The following APP variants were observed in gnomAD, a reference collection of about 807,000 sequenced individuals.
APP encodes amyloid beta precursor protein, also known as amyloid-beta precursor protein.
APP carries 31 observed loss-of-function variants against 101.4 expected under a neutral mutation model. The ratio of observed to expected loss-of-function variants is 0.31; its 90% CI spans 0.23 to 0.41. The LOEUF (loss-of-function observed/expected upper bound fraction) is 0.41, where lower values mean the gene tolerates loss of function less well. APP is among the 10% of genes least tolerant of loss of function. The pLI, the probability that APP is intolerant of heterozygous loss-of-function variation, is 1.00. For missense variants in APP, 839 were observed against 1,003.7 expected, an observed-to-expected ratio of 0.84 and a Z score of 2.22; for synonymous variants, 366 against 364.4, an observed-to-expected ratio of 1.00 and a Z score of -0.05.
intron 1 of APP, among the ~76,000 whole-genome samples, chr21:26,118,913 T>C (rs575546679): frequency 1.3e-5 from 2 of 152,148 alleles, no homozygotes; most frequent in Admixed American, 6.5e-5. Flanking sequence ...AATATATATA[T>C]AGTATTTGAG....
intron 6 of APP, among the ~76,000 whole-genome samples, chr21:26,015,119 G>C (rs2043993767): frequency 6.6e-6 from 1 of 152,082 alleles, no homozygotes; most frequent in Non-Finnish European, 1.5e-5. Flanking sequence ...CTAAATATCA[G>C]CTTTATTATA....
intron 15 of APP, among the ~76,000 whole-genome samples, chr21:25,899,532 C>G (rs2038300397): frequency 6.6e-6 from 1 of 152,130 alleles, no homozygotes. Flanking sequence ...TAGGGACGCT[C>G]AAGCAGCATT....
intron 3 of APP, among the ~76,000 whole-genome samples, chr21:26,076,242 C>T (rs563579302): frequency 1.3e-5 from 2 of 152,210 alleles, no homozygotes; most frequent in South Asian, 4.1e-4. Context: ...TTACGTATCC[C>T]TCAGGATCCA....
At chr21:26,035,919 T>C (rs1434496399) in intron 5 of APP, among the ~76,000 whole-genome samples, 3 of 152,032 alleles carry the variant, frequency 2.0e-5, no homozygotes, top group Non-Finnish European at 4.4e-5. Flanking sequence ...TCAGCAATAA[T>C]CCCTAGGAGA....
intron 11 of APP, among the ~76,000 whole-genome samples, chr21:25,970,779 A>G (rs2042002277): frequency 6.6e-6 from 1 of 152,148 alleles, no homozygotes; most frequent in Non-Finnish European, 1.5e-5. Context: ...GGTTGCAGTG[A>G]TATCATCGGT....
At position 25,887,805 on chromosome 21, in the gene APP, G is replaced by A. The variant is rs749776084; in HGVS notation, c.2211+3917C>T. ...GCAATAGTTGTAGGTGTGTAGCCCA[G>A]GTGTGTAGCAGGCTATACCATCTAG... On this transcript the variant is annotated intron_variant, in intron 17 of 17. Coordinates refer to ENST00000346798, the MANE Select transcript of APP (RefSeq NM_000484.4). 7.9e-5 allele frequency among the ~76,000 whole-genome samples: 12 copies of A among 152,146 alleles called. No homozygotes were observed. In the South Asian group the frequency reaches 1.0e-3, roughly 13 times the overall value.
At chr21:25,971,956 C>CA (rs2042047658) in intron 11 of APP, among the ~76,000 whole-genome samples, 1 of 152,154 alleles carries the variant, frequency 6.6e-6, no homozygotes, top group African/African-American at 2.4e-5. Flanking sequence ...AAACACCTAG[C>CA]ATTCAACAGG....
intron 1 of APP, among the ~76,000 whole-genome samples, chr21:26,128,686 G>A (rs1287425583): frequency 6.6e-6 from 1 of 151,788 alleles, no homozygotes; most frequent in Non-Finnish European, 1.5e-5. Flanking sequence ...ACACATATGG[G>A]AAATGGATCA....
chr21:26,017,592 A>G (rs1015789107), intron 6 of APP, among the ~76,000 whole-genome samples: 2 of 48,780 alleles, frequency 4.1e-5, no homozygotes, highest in African/African-American at 1.7e-4. Context: ...GGGTACAACG[A>G]ATAGTTGCTG....
chr21:26,077,586 A>G (rs2061521126), intron 3 of APP, among the ~76,000 whole-genome samples: 1 of 152,176 alleles, frequency 6.6e-6, no homozygotes, highest in Non-Finnish European at 1.5e-5. Context: ...TGCTAAGTAC[A>G]GGAAAATCTT....
At chr21:25,931,402 G>T (rs2040141986) in intron 13 of APP, among the ~76,000 whole-genome samples, 2 of 152,192 alleles carry the variant, frequency 1.3e-5, no homozygotes, top group Admixed American at 1.3e-4. Flanking sequence ...CAGTTTGTGG[G>T]ATACAGAGGG....
intron 2 of APP, among the ~76,000 whole-genome samples, chr21:26,110,923 C>A (rs1467857361): frequency 1.3e-5 from 2 of 151,758 alleles, no homozygotes; most frequent in African/African-American, 4.8e-5. Context: ...GCAGAGATAA[C>A]TATCTAAGAA....
At chr21:26,007,879 A>G (rs113008132) in intron 6 of APP, among the ~76,000 whole-genome samples, 1 of 152,246 alleles carries the variant, frequency 6.6e-6, no homozygotes, top group African/African-American at 2.4e-5. Flanking sequence ...TAAGGCAATA[A>G]ATTATCAAAT....
intron 17 of APP, among the ~76,000 whole-genome samples, chr21:25,884,414 A>G (rs957323006): frequency 3.3e-5 from 5 of 152,214 alleles, no homozygotes; most frequent in African/African-American, 1.2e-4. Context: ...TCCTTCTGGG[A>G]GCAAATCACA....
intron 8 of APP, among the ~76,000 whole-genome samples, chr21:25,990,710 G>A (rs1282940642): frequency 1.3e-5 from 2 of 150,554 alleles, no homozygotes; most frequent in African/African-American, 5.0e-5. Flanking sequence ...GCCTTCCAGA[G>A]CAATCTTCTC....
intron 13 of APP, among the ~76,000 whole-genome samples, chr21:25,918,194 T>C (rs531561073): frequency 4.2e-4 from 64 of 152,348 alleles, no homozygotes; most frequent in Non-Finnish European, 5.6e-4. Context: ...ACCCAAAGGA[T>C]TATAAATCAT....
intron 11 of APP, among the ~76,000 whole-genome samples, chr21:25,964,001 C>T (rs937919168): frequency 1.3e-5 from 2 of 152,172 alleles, no homozygotes; most frequent in East Asian, 1.9e-4. Flanking sequence ...ACACTCTCCC[C>T]CTTTGGTGTT....
chr21:26,004,275 CTTTTTTTTTTTTTTTT>C (rs71183538), intron 6 of APP, among the ~76,000 whole-genome samples: 8 of 72,802 alleles, frequency 1.1e-4, no homozygotes, highest in Admixed American at 8.2e-4. Flanking sequence ...TGTATTAATT[CTTTTTTTTTTTTTTTT>C]TTTTTTTTTG....
chr21:26,041,726 A>C (rs45572631), intron 5 of APP, among the ~76,000 whole-genome samples: 176 of 152,044 alleles, frequency 1.2e-3, no homozygotes, highest in African/African-American at 3.8e-3. Flanking sequence ...GGAAACAAAA[A>C]CAGACCCCAC....
Sources: gnomAD v4.1 joint callset for allele counts (sites outside exome capture counted in the v4.1 genomes callset) on GRCh38, gnomAD v4.1.1 for gene constraint, MANE v1.5 for transcripts, NCBI Gene and HGNC (gene_info 2026-07-23, HGNC 2026-07-21) for gene names.